UBR1: variants seen among roughly 807,000 people sequenced by gnomAD.
The protein encoded by UBR1 is ubiquitin protein ligase E3 component n-recognin 1.
In UBR1, 102 loss-of-function variants were observed where a neutral mutation model predicts 242.1. The observed-to-expected ratio is 0.42, with a 90% CI of 0.36 to 0.50. The LOEUF (loss-of-function observed/expected upper bound fraction) is 0.50. UBR1 is among the 20% of genes least tolerant of loss of function. The pLI is 0.01. For missense variants in UBR1, 1,772 were observed against 2,101.8 expected, an observed-to-expected ratio of 0.84 and a Z score of 3.07; for synonymous variants, 675 against 684.8, an observed-to-expected ratio of 0.99 and a Z score of 0.22.
intron 12 of UBR1, among the ~76,000 whole-genome samples, chr15:43,050,586 T>C (rs1280453284): frequency 6.6e-6 from 1 of 151,958 alleles, no homozygotes; most frequent in African/African-American, 2.4e-5. Context: ...TAGCCAGGCA[T>C]GACAGCATGT....
chr15:43,002,630 TA>T lies in UBR1; in HGVS notation c.3583del (p.Tyr1195IlefsTer13). The T allele has an allele frequency of 1.2e-6, 2 of 1,614,178 alleles. No homozygotes were observed. The highest frequency in any genetic ancestry group is 1.7e-6 in the Non-Finnish European group (2 of 1,180,038). On this transcript the variant is annotated frameshift_variant, in exon 32 of 47. Coordinates refer to ENST00000290650, the MANE Select transcript of UBR1 (RefSeq NM_174916.3). LOFTEE classifies it high-confidence loss of function. ...VDLFDLESGE[Y>X]LCPLCKSLCN... ...CAGAGATTTGCAAAGAGGGCAAAGA[TA>T]TTCTCCACTTTCCAAGTCAAAAAGG... is the stretch of plus-strand genomic sequence containing the variant.
chr15:43,046,291 T>C (rs2033484747), intron 14 of UBR1, among the ~76,000 whole-genome samples: 1 of 152,212 alleles, frequency 6.6e-6, no homozygotes, highest in Non-Finnish European at 1.5e-5. Context: ...CATTTGTGAG[T>C]ATGGCTGCCA....
At chr15:42,949,923 C>T (rs1401830297) in intron 46 of UBR1, among the ~76,000 whole-genome samples, 2 of 150,840 alleles carry the variant, frequency 1.3e-5, no homozygotes, top group African/African-American at 2.4e-5. Context: ...TGGCTCACTG[C>T]AACCTCCTGG....
intron 27 of UBR1, among the ~76,000 whole-genome samples, chr15:43,017,501 C>A (rs1430647355): frequency 6.6e-6 from 1 of 152,060 alleles, no homozygotes; most frequent in East Asian, 1.9e-4. Flanking sequence ...TGCAAAAACA[C>A]ATAAAAACAA....
At position 43,013,571 on chromosome 15, in the gene UBR1, A is replaced by G. The variant is rs143115399; in HGVS notation, c.3209+2117T>C. Among the ~76,000 whole-genome samples, 197 of 152,368 alleles carry G rather than the reference A, an allele frequency of 1.3e-3. 1 individual carries two copies. Among genetic ancestry groups the G allele is most frequent in the Admixed American group, 9.7e-3 (149 of 15,302 alleles). ...ACTGCAGTCATTTTTATTAGAAATA[A>G]TAATGTGAAATAAGTGAACTGATGT... is the stretch of plus-strand genomic sequence containing the variant. On this transcript the variant is annotated intron_variant, in intron 29 of 46. Transcript: ENST00000290650.
In UBR1 at chr15:43,106,024, T is replaced by C. The variant is rs1244960433; in HGVS notation, c.-2A>G. On this transcript the variant is annotated 5_prime_UTR_variant, in exon 1 of 47. Coordinates refer to ENST00000290650, the MANE Select transcript of UBR1 (RefSeq NM_174916.3). ...ACCTCCAGCCTCCTCGTCCGCCATC[T>C]TGAGGGAAACTGACGCCTGCAGTTG... 2.5e-6 allele frequency: 4 copies of C among 1,611,004 alleles called. No homozygotes were observed. The highest frequency in any genetic ancestry group is 3.4e-6 in the Non-Finnish European group (4 of 1,178,596).
chr15:43,077,096 C>T (rs1210559607), intron 3 of UBR1, among the ~76,000 whole-genome samples: 1 of 133,772 alleles, frequency 7.5e-6, no homozygotes, highest in Non-Finnish European at 1.6e-5. Flanking sequence ...GCCCGGCCGC[C>T]CCTACTGGGA....
At chr15:43,029,125 G>GCGCACACACACACACACACACA (rs750364868) in intron 21 of UBR1, among the ~76,000 whole-genome samples, 11 of 151,068 alleles carry the variant, frequency 7.3e-5, no homozygotes, top group African/African-American at 2.7e-4. Flanking sequence ...ACACACACAC[G>GCGCACACACACACACACACACA]CACACACACA....
At chr15:42,962,571 C>A (rs1438730407) in intron 42 of UBR1, among the ~76,000 whole-genome samples, 7 of 152,108 alleles carry the variant, frequency 4.6e-5, no homozygotes, top group Non-Finnish European at 8.8e-5. Flanking sequence ...CTCACTGCAA[C>A]CTCCGCCTCC....
chr15:42,952,400 A>T lies in UBR1; in HGVS notation c.4884T>A (p.Leu1628=). Residue 1628 remains leucine, a synonymous_variant, in exon 45 of 47, where the codon CTT becomes CTA. Transcript: ENST00000290650. ...DDERKHPVLC[L]FCGAILCSQN... Reference sequence around the variant, plus strand: ...GAGAACATAGTATAGCCCCACAGAAAAGGCAGAGGACAGGATGCTTTCGCT... The same window carrying T: ...GAGAACATAGTATAGCCCCACAGAATAGGCAGAGGACAGGATGCTTTCGCT... 1.2e-6 allele frequency: 2 copies of T among 1,614,262 alleles called. No individual in the cohort carries two copies. Among genetic ancestry groups the T allele is most frequent in the Non-Finnish European group, 1.7e-6 (2 of 1,180,044 alleles).
chr15:42,943,420 A>G lies in UBR1; in HGVS notation c.*1909T>C, dbSNP rs963564718. On this transcript the variant is annotated 3_prime_UTR_variant, in exon 47 of 47. Coordinates refer to ENST00000290650, the MANE Select transcript of UBR1 (RefSeq NM_174916.3). Reference sequence around the variant, plus strand: ...CCCTGGGGCTTGGGGCAGCACTGAGACATACGCTCATCTACAGTGCAAAAA... The same window carrying G: ...CCCTGGGGCTTGGGGCAGCACTGAGGCATACGCTCATCTACAGTGCAAAAA... The G allele has an allele frequency of 6.6e-6, 1 of 152,596 alleles. No homozygotes were observed. Among genetic ancestry groups the G allele is most frequent in the African/African-American group, 2.4e-5 (1 of 41,430 alleles). The allele number at this position is 152,596 out of a possible 1,614,324, so 9.5% of individuals were successfully genotyped here.
intron 33 of UBR1, among the ~76,000 whole-genome samples, chr15:42,990,968 T>G (rs1312718814): frequency 6.6e-6 from 1 of 152,028 alleles, no homozygotes; most frequent in Non-Finnish European, 1.5e-5. Flanking sequence ...TTAATCTTTT[T>G]TTTTTTTTCA....
At chr15:43,076,578 C>A in intron 3 of UBR1, among the ~76,000 whole-genome samples, 1 of 149,750 alleles carries the variant, frequency 6.7e-6, no homozygotes, top group Non-Finnish European at 1.5e-5. Context: ...ATGTGAGGAG[C>A]GCCTCTGCTG....
intron 6 of UBR1, among the ~76,000 whole-genome samples, chr15:43,063,652 A>T (rs1392016765): frequency 6.6e-6 from 1 of 152,104 alleles, no homozygotes; most frequent in Admixed American, 6.5e-5. Flanking sequence ...AATAAAATTA[A>T]TTTTTTAAAA....
At chr15:43,063,615 G>A (rs1405468735) in intron 6 of UBR1, among the ~76,000 whole-genome samples, 3 of 152,052 alleles carry the variant, frequency 2.0e-5, no homozygotes, top group Non-Finnish European at 2.9e-5. Flanking sequence ...ACAAGTGTGG[G>A]CAACATACTG....
chr15:43,052,679 G>A (rs758050664), intron 12 of UBR1, among the ~76,000 whole-genome samples: 5 of 152,218 alleles, frequency 3.3e-5, no homozygotes, highest in Non-Finnish European at 7.3e-5. Flanking sequence ...GGGGAAATTA[G>A]TAAATAAACA....
At chr15:43,022,920 T>C (rs960601894) in intron 25 of UBR1, 119 bp from the exon 26 acceptor site, 2 of 607,660 alleles carry the variant, frequency 3.3e-6, no homozygotes, top group Non-Finnish European at 5.7e-6. Context: ...TGGAGTGCAG[T>C]GGGGCAATCC....
In UBR1 at chr15:43,076,554, C is replaced by A. The variant is rs1401663410; in HGVS notation, c.418-1465G>T. On this transcript the variant is annotated intron_variant, in intron 3 of 46. Coordinates refer to ENST00000290650, the MANE Select transcript of UBR1 (RefSeq NM_174916.3). Reference sequence around the variant, plus strand: ...AGATGTGGGGAGCGCCTCTGCCCCGCCGCCCTGTCTGGGATGTGAGGAGCG... The same window carrying A: ...AGATGTGGGGAGCGCCTCTGCCCCGACGCCCTGTCTGGGATGTGAGGAGCG... Among the ~76,000 whole-genome samples the A allele has an allele frequency of 7.4e-4, 112 of 151,034 alleles. 1 individual carries two copies. The highest frequency in any genetic ancestry group is 4.4e-4 in the Non-Finnish European group (30 of 67,628).
intron 13 of UBR1, 115 bp from the exon 14 acceptor site, chr15:43,047,404 G>A: frequency 2.0e-6 from 3 of 1,482,210 alleles, no homozygotes; most frequent in Non-Finnish European, 2.8e-6. Context: ...TGTTACACTG[G>A]GTCAGAATGC....
Sources: gnomAD v4.1 joint callset for allele counts (sites outside exome capture counted in the v4.1 genomes callset) on GRCh38, gnomAD v4.1.1 for gene constraint, MANE v1.5 for transcripts, NCBI Gene and HGNC (gene_info 2026-07-23, HGNC 2026-07-21) for gene names.